SYT16: variants seen among roughly 807,000 people sequenced by gnomAD.
SYT16 encodes synaptotagmin-16.
A neutral mutation model predicts 61.4 loss-of-function variants in SYT16; 42 were observed. That is an observed-to-expected ratio of 0.68 (90% CI 0.53 to 0.89). The LOEUF is 0.89. Among genes scored for constraint, SYT16 ranks in the 40% least tolerant of loss-of-function variants. The probability of loss-of-function intolerance (pLI) is 0.00; values close to 1 mark genes in which losing one functional copy is unlikely to be tolerated. For missense variants in SYT16, 804 were observed against 807.3 expected, an observed-to-expected ratio of 1.00 and a Z score of 0.05; for synonymous variants, 314 against 302.3, an observed-to-expected ratio of 1.04 and a Z score of -0.40.
At chr14:61,914,273 A>T (rs2049037766) in intron 1 of SYT16, among the ~76,000 whole-genome samples, 2 of 152,166 alleles carry the variant, frequency 1.3e-5, no homozygotes, top group Admixed American at 6.5e-5. Context: ...TTGGTCTCTG[A>T]AGTCCAATGA....
chr14:62,038,259 C>T (rs2054587973), intron 3 of SYT16, among the ~76,000 whole-genome samples: 2 of 151,228 alleles, frequency 1.3e-5, no homozygotes, highest in Admixed American at 6.6e-5. Context: ...AACCAATTCA[C>T]AGCCTCTACT....
At position 61,858,990 on chromosome 14, in the gene SYT16, G is replaced by T. The variant is rs1454681883; in HGVS notation, c.-325+46180G>T. Among the ~76,000 whole-genome samples the T allele has an allele frequency of 4.0e-5, 6 of 151,384 alleles. 1 individual carries two copies. Among genetic ancestry groups the T allele is most frequent in the Admixed American group, 3.9e-4 (6 of 15,238 alleles). On this transcript the variant is annotated intron_variant, in intron 1 of 7. Coordinates refer to ENST00000683842, the MANE Select transcript of SYT16 (RefSeq NM_001367656.1). ...CTGCCTCAGCCTCCCGAGTAGCTGGGACTACAGGCGCCCACCACTACGCCC... is the reference window on the plus strand; with the variant it reads ...CTGCCTCAGCCTCCCGAGTAGCTGGTACTACAGGCGCCCACCACTACGCCC...
intron 3 of SYT16, among the ~76,000 whole-genome samples, chr14:62,031,693 T>C (rs2054314661): frequency 6.6e-6 from 1 of 152,174 alleles, no homozygotes. Flanking sequence ...GACCTTATGA[T>C]TCATGTAATG....
At chr14:62,084,432 T>C in intron 7 of SYT16, 47 bp downstream of exon 7, 1 of 1,562,640 alleles carries the variant, frequency 6.4e-7, no homozygotes, top group South Asian at 1.2e-5. Context: ...CAGAGGCAAG[T>C]GGAAAGCCCT....
intron 1 of SYT16, among the ~76,000 whole-genome samples, chr14:61,893,041 G>C (rs2048195297): frequency 6.6e-6 from 1 of 152,174 alleles, no homozygotes; most frequent in Non-Finnish European, 1.5e-5. Context: ...AGGAGGAAAA[G>C]AGTATAAAAC....
rs1401215658 is a variant in SYT16 at position 61,858,052 on chromosome 14, T to G, written c.-325+45242T>G. Among the ~76,000 whole-genome samples, 4 of 131,496 alleles carry G rather than the reference T, an allele frequency of 3.0e-5. No individual in the cohort carries two copies. In the East Asian group the frequency reaches 6.8e-4, roughly 22 times the overall value. 86.3% of individuals were successfully genotyped at this position (131,496 alleles called of 152,430 possible). On this transcript the variant is annotated intron_variant, in intron 1 of 7. Transcript: ENST00000683842. ...CACTGTTGTGTTCTCCGTAACAGTATCCACTTCACAGTGTAAGCATGTACT... is the reference window on the plus strand; with the variant it reads ...CACTGTTGTGTTCTCCGTAACAGTAGCCACTTCACAGTGTAAGCATGTACT...
At chr14:61,842,310 C>A (rs2046322056) in intron 1 of SYT16, among the ~76,000 whole-genome samples, 2 of 152,182 alleles carry the variant, frequency 1.3e-5, no homozygotes, top group Admixed American at 1.3e-4. Context: ...ACCATCCCCA[C>A]CTTATCCTCC....
chr14:61,896,493 C>A (rs1481286590), intron 1 of SYT16, among the ~76,000 whole-genome samples: 1 of 152,152 alleles, frequency 6.6e-6, no homozygotes, highest in Non-Finnish European at 1.5e-5. Flanking sequence ...ATATTGTCAA[C>A]CATGAAGTTG....
At chr14:62,084,061 G>A (rs2056801886) in intron 6 of SYT16, 135 bp from the exon 7 acceptor site, 5 of 988,718 alleles carry the variant, frequency 5.1e-6, no homozygotes, top group South Asian at 1.7e-5. Context: ...TGTAATTCAC[G>A]CCGAGTGCGC....
chr14:61,854,522 T>C (rs1360462051), intron 1 of SYT16, among the ~76,000 whole-genome samples: 2 of 152,258 alleles, frequency 1.3e-5, no homozygotes, highest in Non-Finnish European at 2.9e-5. Context: ...TGGCTTTTGC[T>C]TGTGCCTTTC....
At chr14:61,814,835 G>A (rs554096114) in intron 1 of SYT16, among the ~76,000 whole-genome samples, 57 of 152,308 alleles carry the variant, frequency 3.7e-4, no homozygotes, top group African/African-American at 1.3e-3. Flanking sequence ...AGTATTCTCA[G>A]TCAGTGTCTT....
At chr14:61,884,251 T>C (rs1487793764) in intron 1 of SYT16, among the ~76,000 whole-genome samples, 2 of 152,216 alleles carry the variant, frequency 1.3e-5, no homozygotes, top group Non-Finnish European at 2.9e-5. Context: ...TAACTAGTTA[T>C]CTGGGTTGAT....
At position 62,098,693 on chromosome 14, in the gene SYT16, A is replaced by G. The variant is rs11849960; in HGVS notation, c.1625-1701A>G. ...AGCACATGGTAGTCACGAGCTAAGC[A>G]TCAGGGGTTCAATGGTTAATAAGGA... On this transcript the variant is annotated intron_variant, in intron 7 of 7. Coordinates refer to ENST00000683842, the MANE Select transcript of SYT16 (RefSeq NM_001367656.1). Among the ~76,000 whole-genome samples, 973 of 152,328 alleles carry G rather than the reference A, an allele frequency of 6.4e-3. 10 individuals are homozygous for G. The highest frequency in any genetic ancestry group is 0.022 in the African/African-American group (924 of 41,586).
At chr14:62,091,234 A>G in intron 7 of SYT16, among the ~76,000 whole-genome samples, 2 of 152,238 alleles carry the variant, frequency 1.3e-5, no homozygotes, top group East Asian at 3.8e-4. Flanking sequence ...ATTGGGAGAA[A>G]AATACTCAGC....
At chr14:61,862,051 T>C (rs1430842697) in intron 1 of SYT16, among the ~76,000 whole-genome samples, 1 of 152,194 alleles carries the variant, frequency 6.6e-6, no homozygotes, top group Non-Finnish European at 1.5e-5. Flanking sequence ...TATCTGCAAA[T>C]CACAATAAAA....
intron 3 of SYT16, among the ~76,000 whole-genome samples, chr14:62,021,510 T>C (rs1254049406): frequency 6.6e-6 from 1 of 152,006 alleles, no homozygotes; most frequent in Non-Finnish European, 1.5e-5. Context: ...CTGTTCCCTT[T>C]CCCCAGTTGC....
At chr14:62,063,188 G>A (rs908196395) in intron 3 of SYT16, among the ~76,000 whole-genome samples, 2 of 152,090 alleles carry the variant, frequency 1.3e-5, no homozygotes, top group African/African-American at 4.8e-5. Context: ...TCCTGCCTCA[G>A]CCCTTGTATT....
chr14:62,102,427 T>A lies in SYT16; in HGVS notation c.*1720T>A, dbSNP rs1406968463. 6.6e-6 allele frequency: 1 copy of A among 152,228 alleles called. No individual in the cohort carries two copies. Among genetic ancestry groups the A allele is most frequent in the East Asian group, 1.9e-4 (1 of 5,200 alleles). The allele number at this position is 152,228 out of a possible 1,614,324, so 9.4% of individuals were successfully genotyped here. ...GTCATGGGAGTTTCATATATATGGC[T>A]GCTCAGTTATTAGGAATATGTAATA... On this transcript the variant is annotated 3_prime_UTR_variant, in exon 8 of 8. Coordinates refer to ENST00000683842, the MANE Select transcript of SYT16 (RefSeq NM_001367656.1).
At chr14:62,065,809 G>T (rs956570670) in intron 3 of SYT16, among the ~76,000 whole-genome samples, 2 of 152,088 alleles carry the variant, frequency 1.3e-5, no homozygotes, top group African/African-American at 4.8e-5. Context: ...TATATGCATT[G>T]GTCCATCGCA....
Sources: gnomAD v4.1 joint callset for allele counts (sites outside exome capture counted in the v4.1 genomes callset) on GRCh38, gnomAD v4.1.1 for gene constraint, MANE v1.5 for transcripts, NCBI Gene and HGNC (gene_info 2026-07-23, HGNC 2026-07-21) for gene names.